Variants in KIAA1328 observed in about 807,000 individuals in gnomAD.
KIAA1328 encodes KIAA1328.
A neutral mutation model predicts 68.1 loss-of-function variants in KIAA1328; 52 were observed. The observed-to-expected ratio is 0.76, with a 90% CI of 0.61 to 0.96. The LOEUF (loss-of-function observed/expected upper bound fraction) is 0.96, where lower values mean the gene tolerates loss of function less well. KIAA1328 is among the 40% of genes least tolerant of loss of function. KIAA1328 has a pLI of 0.00. For missense variants in KIAA1328, 641 were observed against 677.6 expected, an observed-to-expected ratio of 0.95 and a Z score of 0.60; for synonymous variants, 232 against 239.4, an observed-to-expected ratio of 0.97 and a Z score of 0.28.
chr18:37,085,505 A>G (rs2057076595), intron 7 of KIAA1328, among the ~76,000 whole-genome samples: 1 of 152,126 alleles, frequency 6.6e-6, no homozygotes. Flanking sequence ...TAGTTATTCA[A>G]ATTGATGTTT....
At chr18:36,907,417 G>A (rs751295308) in intron 5 of KIAA1328, among the ~76,000 whole-genome samples, 35 of 152,002 alleles carry the variant, frequency 2.3e-4, no homozygotes, top group Non-Finnish European at 4.6e-4. Flanking sequence ...ATGATTTTTA[G>A]CTATAAGTTT....
At chr18:36,979,814 T>G (rs2151366272) in intron 6 of KIAA1328, among the ~76,000 whole-genome samples, 1 of 152,264 alleles carries the variant, frequency 6.6e-6, no homozygotes, top group Non-Finnish European at 1.5e-5. Flanking sequence ...GAGAAGAGAC[T>G]CAGCAAGATC....
chr18:37,201,428 G>A (rs943922045), intron 9 of KIAA1328, among the ~76,000 whole-genome samples: 1 of 151,920 alleles, frequency 6.6e-6, no homozygotes, highest in African/African-American at 2.4e-5. Context: ...ATAAAAGCAG[G>A]GCTGGAATCT....
chr18:36,875,816 G>A (rs1020636240), intron 4 of KIAA1328, among the ~76,000 whole-genome samples: 2 of 152,116 alleles, frequency 1.3e-5, no homozygotes. Context: ...GTCATAAATA[G>A]CCCTTATTAT....
intron 5 of KIAA1328, among the ~76,000 whole-genome samples, chr18:36,948,454 G>A (rs1200952769): frequency 6.7e-6 from 1 of 149,418 alleles, no homozygotes; most frequent in Non-Finnish European, 1.5e-5. Context: ...TAGAGATGGA[G>A]TTTCACCATG....
chr18:37,117,584 T>G (rs1029098455), intron 7 of KIAA1328, among the ~76,000 whole-genome samples: 14 of 152,112 alleles, frequency 9.2e-5, no homozygotes, highest in African/African-American at 3.1e-4. Flanking sequence ...ATGGCACATG[T>G]ATACATATGT....
chr18:37,081,389 C>T (rs1227498316), intron 7 of KIAA1328, among the ~76,000 whole-genome samples: 1 of 152,160 alleles, frequency 6.6e-6, no homozygotes. Flanking sequence ...TAAATCTATC[C>T]ATTTAATTAA....
At chr18:36,969,702 T>TTCACA (rs2052096567) in intron 6 of KIAA1328, among the ~76,000 whole-genome samples, 1 of 152,110 alleles carries the variant, frequency 6.6e-6, no homozygotes, top group South Asian at 2.1e-4. Flanking sequence ...TTCTACCAGA[T>TTCACA]GTACAAAGAA....
At chr18:37,122,298 G>C (rs2058291096) in intron 7 of KIAA1328, among the ~76,000 whole-genome samples, 1 of 152,114 alleles carries the variant, frequency 6.6e-6, no homozygotes, top group Non-Finnish European at 1.5e-5. Context: ...CTTAGTAACA[G>C]AGAGAGTGAG....
intron 5 of KIAA1328, among the ~76,000 whole-genome samples, chr18:36,909,024 A>C (rs749907899): frequency 6.6e-6 from 1 of 152,120 alleles, no homozygotes; most frequent in Non-Finnish European, 1.5e-5. Flanking sequence ...TCTGCTTCCT[A>C]TATCAAATTT....
rs1328626684 is a variant in KIAA1328, at chr18:37,174,387, T to C, written c.1523+1306T>C. ...ACTGTTGCTGCTTTCTTCCTTTTTT[T>C]TTTTTTTTTTTTTTGAGATGGAGTC... On this transcript the variant is annotated intron_variant, in intron 9 of 9. Transcript: ENST00000280020. Among the ~76,000 whole-genome samples the C allele has an allele frequency of 8.6e-5, 12 of 140,164 alleles. No individual in the cohort carries two copies. In the East Asian group the frequency reaches 2.4e-3, roughly 28 times the overall value. The allele number at this position is 140,164 out of a possible 152,430, so 92.0% of individuals were successfully genotyped here.
chr18:37,121,224 G>A (rs1418919802), intron 7 of KIAA1328, among the ~76,000 whole-genome samples: 1 of 152,098 alleles, frequency 6.6e-6, no homozygotes, highest in Non-Finnish European at 1.5e-5. Context: ...TGAGCATTAT[G>A]TATATATCCA....
rs567527177 is a variant in KIAA1328, at chr18:37,155,511, T to C, written c.1233-4689T>C. ...TTTAAATCCTAAATATTTCTTAAACTATGTCTTTCCGTTCCTACTACCGCT... is the reference window on the plus strand; with the variant it reads ...TTTAAATCCTAAATATTTCTTAAACCATGTCTTTCCGTTCCTACTACCGCT... On this transcript the variant is annotated intron_variant, in intron 7 of 9. Coordinates refer to ENST00000280020, the MANE Select transcript of KIAA1328 (RefSeq NM_020776.3). Among the ~76,000 whole-genome samples, 31 of 152,344 alleles carry C rather than the reference T, an allele frequency of 2.0e-4. No individual in the cohort carries two copies. In the South Asian group the frequency reaches 6.4e-3, roughly 32 times the overall value.
chr18:37,148,524 A>G (rs914400152), intron 7 of KIAA1328, among the ~76,000 whole-genome samples: 2 of 152,072 alleles, frequency 1.3e-5, no homozygotes, highest in Non-Finnish European at 2.9e-5. Context: ...AAATGGTTCT[A>G]GATCCTTGAG....
intron 9 of KIAA1328, among the ~76,000 whole-genome samples, chr18:37,214,042 G>C (rs527905839): frequency 6.6e-6 from 1 of 152,234 alleles, no homozygotes; most frequent in South Asian, 2.1e-4. Context: ...GTAGATTCTG[G>C]ATATTAGCCC....
At chr18:36,998,640 C>T (rs1598931646) in intron 6 of KIAA1328, among the ~76,000 whole-genome samples, 1 of 152,180 alleles carries the variant, frequency 6.6e-6, no homozygotes, top group Non-Finnish European at 1.5e-5. Flanking sequence ...TAACCACCCC[C>T]TAGCCCCTAA....
At chr18:37,124,036 T>A (rs962204353) in intron 7 of KIAA1328, among the ~76,000 whole-genome samples, 2 of 152,154 alleles carry the variant, frequency 1.3e-5, no homozygotes, top group Non-Finnish European at 2.9e-5. Flanking sequence ...GCAGTAGACA[T>A]TAATTCCAAA....
chr18:36,966,817 T>C (rs1282067299), intron 6 of KIAA1328, among the ~76,000 whole-genome samples: 2 of 152,194 alleles, frequency 1.3e-5, no homozygotes, highest in Admixed American at 1.3e-4. Flanking sequence ...TGGTCATGGA[T>C]TGGCCGTTTT....
At chr18:37,064,522 G>A (rs1432748388) in intron 6 of KIAA1328, among the ~76,000 whole-genome samples, 1 of 148,780 alleles carries the variant, frequency 6.7e-6, no homozygotes, top group African/African-American at 2.5e-5. Context: ...AAATAGGCAT[G>A]GTAGACTGAA....
Sources: allele counts gnomAD v4.1 joint callset (sites outside exome capture counted in the v4.1 genomes callset), GRCh38; gene constraint gnomAD v4.1.1; transcripts MANE v1.5; gene names NCBI Gene and HGNC (gene_info 2026-07-23, HGNC 2026-07-21).